USP44: variants seen among roughly 807,000 people sequenced by gnomAD.
USP44 encodes ubiquitin carboxyl-terminal hydrolase 44.
In USP44, 61 loss-of-function variants were observed where a neutral mutation model predicts 69.0. The observed-to-expected ratio is 0.88, with a 90% CI of 0.72 to 1.09. The LOEUF is 1.09. Ranked by LOEUF, USP44 falls within the 50% of genes least tolerant of loss-of-function variation. USP44 has a pLI of 0.00. For synonymous variants in USP44, 297 were observed against 295.4 expected (o/e 1.01, Z -0.06); for missense variants, 753 against 849.9 (o/e 0.89, Z 1.42).
At chr12:95,545,833 G>C (rs1483618349) in intron 1 of USP44, among the ~76,000 whole-genome samples, 1 of 152,132 alleles carries the variant, frequency 6.6e-6, no homozygotes, top group Non-Finnish European at 1.5e-5. Flanking sequence ...TGTCAATCAT[G>C]ATGTATTTCC....
chr12:95,543,923 C>T lies in USP44; in HGVS notation c.-71+7349G>A, dbSNP rs563819070. Among the ~76,000 whole-genome samples the T allele has an allele frequency of 1.2e-4, 14 of 119,426 alleles. No individual in the cohort carries two copies. In the East Asian group the frequency reaches 3.1e-3, roughly 26 times the overall value. 78.3% of individuals were successfully genotyped at this position (119,426 alleles called of 152,430 possible). A position where few individuals can be genotyped will look rare whatever the true frequency, so the allele number is the denominator to read the frequency against. On this transcript the variant is annotated intron_variant, in intron 1 of 5. Transcript: ENST00000258499. ...TGGAGCTTGCAGCGAGCCGAGATCG[C>T]GCCACTGCACTCCAGCCAGGGAGAC...
chr12:95,526,043 G>T (rs1236755373), intron 3 of USP44, among the ~76,000 whole-genome samples: 1 of 152,174 alleles, frequency 6.6e-6, no homozygotes, highest in Non-Finnish European at 1.5e-5. Flanking sequence ...CCAGATAGGG[G>T]ATATCAACTC....
chr12:95,537,963 C>A (rs1009000569), intron 1 of USP44, among the ~76,000 whole-genome samples: 8 of 152,132 alleles, frequency 5.3e-5, no homozygotes, highest in Non-Finnish European at 8.8e-5. Context: ...AAAAAAAGTA[C>A]CTGTTTCATT....
At position 95,534,116 on chromosome 12, in the gene USP44, A is replaced by G; in HGVS notation, c.141T>C (p.Val47=). ...SIWACLSCSH[V]ACGRYIEEHA... ...GCTCTTCAATATATCTTCCACAGGCAACATGGGAGCAGCTAAGGCAAGCCC... is the reference window on the plus strand; with the variant it reads ...GCTCTTCAATATATCTTCCACAGGCGACATGGGAGCAGCTAAGGCAAGCCC... Residue 47 remains valine, a synonymous_variant, in exon 2 of 6, where the codon GTT becomes GTC. Coordinates refer to ENST00000258499, the MANE Select transcript of USP44 (RefSeq NM_032147.5). 1 of 1,614,196 alleles carries G rather than the reference A, an allele frequency of 6.2e-7. No individual in the cohort carries two copies. The highest frequency in any genetic ancestry group is 8.5e-7 in the Non-Finnish European group (1 of 1,180,020).
At position 95,534,034 on chromosome 12, in the gene USP44, T is replaced by A. The variant is rs760084250; in HGVS notation, c.223A>T (p.Met75Leu). Residue 75 changes from methionine to leucine, a missense_variant, in exon 2 of 6, where the codon ATG becomes TTG. Coordinates refer to ENST00000258499, the MANE Select transcript of USP44 (RefSeq NM_032147.5). ...SHPVALEVNE[M>L]YVFCYLCDDY... Reference sequence around the variant, plus strand: ...TCACAAAGGTAACAAAAAACGTACATCTCATTCACCTCCAATGCAACAGGA... The same window carrying A: ...TCACAAAGGTAACAAAAAACGTACAACTCATTCACCTCCAATGCAACAGGA... The A allele has an allele frequency of 3.1e-6, 5 of 1,614,040 alleles. No homozygotes were observed. Among genetic ancestry groups the A allele is most frequent in the Middle Eastern group, 1.6e-4 (1 of 6,084 alleles).
At position 95,517,246 on chromosome 12, in the gene USP44, TATC is replaced by T. The variant is rs1277510539; in HGVS notation, c.*905_*907del. ...AGTCCAGTTGCCAATTTTGAACACT[TATC>T]TTTTCTGCCCTATAATTTTTTCTCT... is the stretch of plus-strand genomic sequence containing the variant. On this transcript the variant is annotated 3_prime_UTR_variant, in exon 6 of 6. Transcript: ENST00000258499. 2.0e-5 allele frequency: 3 copies of T among 152,050 alleles called. No individual in the cohort carries two copies. The highest frequency in any genetic ancestry group is 2.9e-5 in the Non-Finnish European group (2 of 67,994). 9.4% of individuals were successfully genotyped at this position (152,050 alleles called of 1,614,324 possible).
At chr12:95,525,519 T>C (rs534135942) in intron 3 of USP44, among the ~76,000 whole-genome samples, 14 of 151,954 alleles carry the variant, frequency 9.2e-5, no homozygotes, top group African/African-American at 3.4e-4. Flanking sequence ...AAAAAGTGAG[T>C]GGTCAGTTCA....
At chr12:95,551,155 C>T (rs1555206549) in intron 1 of USP44, 117 bp downstream of exon 1, 1 of 151,894 alleles carries the variant, frequency 6.6e-6, no homozygotes, top group Non-Finnish European at 1.5e-5. Flanking sequence ...TTAAATTTTC[C>T]TATTTGTTTT....
At chr12:95,536,023 TCTTTCC>T (rs2077186356) in intron 1 of USP44, among the ~76,000 whole-genome samples, 1 of 147,438 alleles carries the variant, frequency 6.8e-6, no homozygotes, top group Non-Finnish European at 1.5e-5. Flanking sequence ...CATGTTTCTT[TCTTTCC>T]TTTTTTTTCC....
In USP44 at chr12:95,533,692, C is replaced by T. The variant is rs748234870; in HGVS notation, c.565G>A (p.Glu189Lys). 1.4e-5 allele frequency: 22 copies of T among 1,613,800 alleles called. No individual in the cohort carries two copies. Among genetic ancestry groups the T allele is most frequent in the Admixed American group, 3.3e-5 (2 of 59,950 alleles). ...AATTCCTGCCGTCTTTTCTTTACTT[C>T]TCTTTTTACTACTATTTTTTCCTGA... ...PFQEKIVVKR[E>K]VKKRRQELEY... Residue 189 changes from glutamate to lysine, a missense_variant, in exon 2 of 6, where the codon GAA becomes AAA. Physicochemically the swap from Glu to Lys is moderately conservative, Grantham distance 56. Coordinates refer to ENST00000258499, the MANE Select transcript of USP44 (RefSeq NM_032147.5).
chr12:95,530,694 T>G (rs540753329), intron 2 of USP44, among the ~76,000 whole-genome samples: 183 of 128,620 alleles, frequency 1.4e-3, no homozygotes, highest in African/African-American at 4.5e-3. Flanking sequence ...TAGATAGATA[T>G]AAAAGAAAAA....
At chr12:95,538,639 G>C (rs1405743906) in intron 1 of USP44, among the ~76,000 whole-genome samples, 1 of 152,074 alleles carries the variant, frequency 6.6e-6, no homozygotes, top group Non-Finnish European at 1.5e-5. Context: ...TAGCTCAGGG[G>C]GCCCACTTAC....
At chr12:95,537,536 C>T (rs532648121) in intron 1 of USP44, among the ~76,000 whole-genome samples, 8 of 152,232 alleles carry the variant, frequency 5.3e-5, no homozygotes, top group African/African-American at 1.9e-4. Context: ...CCAGGCTAGT[C>T]TTGAGCTCCC....
At chr12:95,544,292 T>A (rs1275489829) in intron 1 of USP44, among the ~76,000 whole-genome samples, 1 of 151,920 alleles carries the variant, frequency 6.6e-6, no homozygotes, top group Non-Finnish European at 1.5e-5. Context: ...CCTGACCTTG[T>A]GATCCACCCG....
Position 95,536,039 on chromosome 12 carries a change from C to CTT in USP44, c.-70-1715_-70-1714dup, listed in dbSNP as rs397821709. On this transcript the variant is annotated intron_variant, in intron 1 of 5. Transcript: ENST00000258499. The stretch of plus-strand genomic sequence containing the variant: ...ATGTTTCTTTCTTTCCTTTTTTTTC[C>CTT]TTTTTTTTTTTTTTTTTTTTTGAGA... 1.7e-3 allele frequency among the ~76,000 whole-genome samples: 162 copies of CTT among 97,480 alleles called. 1 individual carries two copies. Among genetic ancestry groups the CTT allele is most frequent in the African/African-American group, 2.8e-3 (67 of 23,680 alleles). The allele number at this position is 97,480 out of a possible 152,430, so 64.0% of individuals were successfully genotyped here. A position where few individuals can be genotyped will look rare whatever the true frequency, so the allele number is the denominator to read the frequency against.
chr12:95,525,750 T>G (rs1412986128), intron 3 of USP44, among the ~76,000 whole-genome samples: 1 of 152,204 alleles, frequency 6.6e-6, no homozygotes, highest in Non-Finnish European at 1.5e-5. Flanking sequence ...TCTGCTTCCC[T>G]AGAGGTCCAC....
At chr12:95,529,100 T>C (rs2076941592) in intron 2 of USP44, 98 bp from the exon 3 acceptor site, 5 of 1,051,908 alleles carry the variant, frequency 4.8e-6, no homozygotes, top group South Asian at 2.0e-5. Context: ...ACTTTTCTCA[T>C]GAAAATGCAC....
In USP44 at chr12:95,517,150, A is replaced by G. The variant is rs912532085; in HGVS notation, c.*1004T>C. ...CCAGTGTTTTAAGAGGCTCCTACCT[A>G]GTAGTCACATAATCCTAGCAAGAGT... On this transcript the variant is annotated 3_prime_UTR_variant, in exon 6 of 6. Coordinates refer to ENST00000258499, the MANE Select transcript of USP44 (RefSeq NM_032147.5). 2.0e-5 allele frequency: 3 copies of G among 148,916 alleles called. No homozygotes were observed. The highest frequency in any genetic ancestry group is 4.4e-5 in the Non-Finnish European group (3 of 67,696). 9.2% of individuals were successfully genotyped at this position (148,916 alleles called of 1,614,324 possible).
chr12:95,534,685 T>G lies in USP44; in HGVS notation c.-70-359A>C, dbSNP rs527299256. 2.8e-4 allele frequency among the ~76,000 whole-genome samples: 43 copies of G among 152,020 alleles called. No homozygotes were observed. The South Asian group carries it at 6.4e-3, about 23-fold the overall frequency. On this transcript the variant is annotated intron_variant, in intron 1 of 5. Coordinates refer to ENST00000258499, the MANE Select transcript of USP44 (RefSeq NM_032147.5). ...TTCCAAAACTGCATTCCCTTTTTTTTTTTTTTTTGAGACAGAGTCTTGCTC... is the reference window on the plus strand; with the variant it reads ...TTCCAAAACTGCATTCCCTTTTTTTGTTTTTTTTGAGACAGAGTCTTGCTC...
Sources: allele counts gnomAD v4.1 joint callset (sites outside exome capture counted in the v4.1 genomes callset), GRCh38; gene constraint gnomAD v4.1.1; transcripts MANE v1.5; gene names NCBI Gene and HGNC (gene_info 2026-07-23, HGNC 2026-07-21).